The following DRC12 variants were observed in gnomAD, a reference collection of about 807,000 sequenced individuals.
The protein encoded by DRC12 is dynein regulatory complex subunit 12 homolog, also known as dynein regulatory complex protein 12.
chr11:119,190,313 G>A, the DRC12 span: 32 of 1,614,040 alleles, frequency 2.0e-5, no homozygotes, highest in Non-Finnish European at 2.7e-5. The surrounding 1 kb of genome is among the most constrained non-coding windows in gnomAD (Gnocchi z 4.2). Context: ...GAGACTAGGG[G>A]CTGGTGGCCT....
the DRC12 span, chr11:119,193,976 ATC>A: frequency 2.3e-6 from 3 of 1,316,824 alleles, no homozygotes; most frequent in East Asian, 7.7e-5. Context: ...ACCTCTAGAA[ATC>A]TGGTGGTGGG....
chr11:119,191,820 A>G, the DRC12 span, among the ~76,000 whole-genome samples: 1 of 152,072 alleles, frequency 6.6e-6, no homozygotes, highest in African/African-American at 2.4e-5. Flanking sequence ...AACAAAAAAC[A>G]AAAAACAAAA....
the DRC12 span, among the ~76,000 whole-genome samples, chr11:119,191,637 A>G: frequency 4.0e-5 from 6 of 151,556 alleles, no homozygotes; most frequent in Non-Finnish European, 7.4e-5. Flanking sequence ...GTGAATCTCC[A>G]TCTCTACTAA....
At chr11:119,193,704 C>T in the DRC12 span, 2 of 1,540,964 alleles carry the variant, frequency 1.3e-6, no homozygotes, top group Admixed American at 2.0e-5. Context: ...CATCAACTGA[C>T]CCTGTTGGTT....
the DRC12 span, among the ~76,000 whole-genome samples, chr11:119,191,423 T>A: frequency 4.6e-5 from 7 of 151,828 alleles, no homozygotes; most frequent in African/African-American, 7.3e-5. Flanking sequence ...AAAGAGAGAA[T>A]GACACATCCC....
chr11:119,194,809 T>C, the DRC12 span: 1 of 648,482 alleles, frequency 1.5e-6, no homozygotes, highest in Non-Finnish European at 2.7e-6. Context: ...TAGGGGATGG[T>C]TAGGGTCAAC....
At chr11:119,190,307 C>CTT in the DRC12 span, 1 of 1,614,160 alleles carries the variant, frequency 6.2e-7, no homozygotes, top group South Asian at 1.1e-5. This position sits in a 1 kb window ranked among gnomAD's most constrained non-coding sequence, Gnocchi z 4.2. Context: ...ACACTAGAGA[C>CTT]TAGGGGCTGG....
the DRC12 span, chr11:119,195,499 C>T: frequency 2.6e-6 from 4 of 1,549,236 alleles, no homozygotes. Flanking sequence ...TCCTTGCTGT[C>T]CTGGGAGAAG....
chr11:119,193,066 A>G, the DRC12 span: 4 of 1,194,242 alleles, frequency 3.3e-6, no homozygotes, highest in South Asian at 2.4e-5. Context: ...AGCTTTCTGG[A>G]GCAGAGACTT....
At chr11:119,194,546 T>C in the DRC12 span, among the ~76,000 whole-genome samples, 1 of 61,232 alleles carries the variant, frequency 1.6e-5, no homozygotes, top group Non-Finnish European at 3.1e-5. Context: ...AAAAAAAAAA[T>C]AAATAAATAA....
chr11:119,190,890 G>T, the DRC12 span: 1 of 1,584,856 alleles, frequency 6.3e-7, no homozygotes, highest in South Asian at 1.1e-5. This position sits in a 1 kb window ranked among gnomAD's most constrained non-coding sequence, Gnocchi z 4.2. Context: ...CTCTATCCTT[G>T]ACCAGTCTCT....
the DRC12 span, among the ~76,000 whole-genome samples, chr11:119,192,290 G>A: frequency 6.6e-6 from 1 of 152,034 alleles, no homozygotes; most frequent in Non-Finnish European, 1.5e-5. Context: ...GCATTTTTAA[G>A]GTATGAAAAC....
chr11:119,190,937 G>C, the DRC12 span: 1 of 1,411,212 alleles, frequency 7.1e-7, no homozygotes, highest in Non-Finnish European at 9.6e-7. The surrounding 1 kb of genome is among the most constrained non-coding windows in gnomAD (Gnocchi z 4.2). Flanking sequence ...AAATGGGCTC[G>C]TTCCAGACTC....
the DRC12 span, chr11:119,195,522 T>A: frequency 6.7e-7 from 1 of 1,492,456 alleles, no homozygotes; most frequent in Non-Finnish European, 9.1e-7. Flanking sequence ...GGGGACCTTA[T>A]GTTTAGGTCT....
the DRC12 span, among the ~76,000 whole-genome samples, chr11:119,194,403 A>G: frequency 6.7e-6 from 1 of 149,808 alleles, no homozygotes; most frequent in African/African-American, 2.5e-5. Context: ...AATCCCAGCT[A>G]CTCGGGAGGC....
chr11:119,190,459 A>G, the DRC12 span: 3 of 1,613,836 alleles, frequency 1.9e-6, no homozygotes, highest in Non-Finnish European at 2.5e-6. This position sits in a 1 kb window ranked among gnomAD's most constrained non-coding sequence, Gnocchi z 4.2. Context: ...TGTCCTGCAG[A>G]CATCAATATT....
the DRC12 span, among the ~76,000 whole-genome samples, chr11:119,194,539 A>AAAT: frequency 8.3e-6 from 1 of 120,050 alleles, no homozygotes; most frequent in African/African-American, 3.0e-5. Flanking sequence ...AAAAAAAAAA[A>AAAT]AAAAAATAAA....
At chr11:119,194,612 C>T in the DRC12 span, among the ~76,000 whole-genome samples, 3 of 149,834 alleles carry the variant, frequency 2.0e-5, no homozygotes, top group South Asian at 2.1e-4. Flanking sequence ...GAGGCTGAGG[C>T]GGGAAGATTG....
chr11:119,192,039 G>A, the DRC12 span, among the ~76,000 whole-genome samples: 7 of 149,658 alleles, frequency 4.7e-5, no homozygotes, highest in African/African-American at 1.7e-4. Context: ...GCAGTGGTGC[G>A]ATCTCGGCTC....
Sources: allele counts gnomAD v4.1 joint callset (sites outside exome capture counted in the v4.1 genomes callset), GRCh38; gene constraint gnomAD v4.1.1; non-coding constraint Gnocchi (gnomAD v3.1); transcripts MANE v1.5; gene names NCBI Gene and HGNC (gene_info 2026-07-23, HGNC 2026-07-21).